Variants in CAST observed in about 807,000 individuals in gnomAD.
CAST encodes the protein calpastatin.
Under a neutral mutation model 119.6 loss-of-function variants are expected in CAST, and 76 were observed. That is an observed-to-expected ratio of 0.64 (90% CI 0.53 to 0.77). The LOEUF is 0.77. Among genes scored for constraint, CAST ranks in the 30% least tolerant of loss-of-function variants. The pLI, the probability that CAST is intolerant of heterozygous loss-of-function variation, is 0.00. For synonymous variants in CAST, 319 were observed against 331.6 expected (o/e 0.96, Z 0.41); for missense variants, 953 against 946.5 (o/e 1.01, Z -0.09).
chr5:96,026,853 A>G, the CAST span, among the ~76,000 whole-genome samples: 2 of 152,278 alleles, frequency 1.3e-5, no homozygotes, highest in African/African-American at 4.8e-5. Flanking sequence ...AGTATTTGCA[A>G]ATGTTATGTA....
the CAST span, among the ~76,000 whole-genome samples, chr5:96,460,409 A>G: frequency 6.6e-6 from 1 of 152,140 alleles, no homozygotes; most frequent in Non-Finnish European, 1.5e-5. Context: ...AGAGAGCATT[A>G]GGACAAATAC....
the CAST span, among the ~76,000 whole-genome samples, chr5:96,354,703 A>G: frequency 6.7e-6 from 1 of 148,934 alleles, no homozygotes; most frequent in Non-Finnish European, 1.5e-5. Flanking sequence ...AATATAAATT[A>G]TGCAATGTAA....
At chr5:96,259,854 C>T in the CAST span, among the ~76,000 whole-genome samples, 1 of 150,912 alleles carries the variant, frequency 6.6e-6, no homozygotes. Context: ...TGAAGACCCA[C>T]TCCACAATTG....
At chr5:96,427,328 C>T in the CAST span, among the ~76,000 whole-genome samples, 1 of 152,152 alleles carries the variant, frequency 6.6e-6, no homozygotes. Flanking sequence ...GTATTAATCT[C>T]TAGAAGAGCA....
At chr5:96,188,052 C>T in the CAST span, among the ~76,000 whole-genome samples, 1 of 152,244 alleles carries the variant, frequency 6.6e-6, no homozygotes, top group Non-Finnish European at 1.5e-5. Flanking sequence ...CTGCCACATT[C>T]TCCCACAGAA....
At chr5:96,246,324 A>G in the CAST span, among the ~76,000 whole-genome samples, 3 of 151,930 alleles carry the variant, frequency 2.0e-5, no homozygotes, top group African/African-American at 7.2e-5. Flanking sequence ...CTGGGACTAC[A>G]GGCACCCGCC....
At chr5:96,679,690 G>A (rs767605179) in intron 2 of CAST, 1 of 152,042 alleles carries the variant, frequency 6.6e-6, no homozygotes, top group East Asian at 1.9e-4. Flanking sequence ...AGGAAAAGAT[G>A]TTTTTTTACA....
the CAST span, among the ~76,000 whole-genome samples, chr5:96,104,489 G>A: frequency 7.6e-3 from 1,151 of 151,988 alleles, 8 homozygotes; most frequent in Non-Finnish European, 0.012. Context: ...TATTAAATAG[G>A]GAATCCTTTC....
chr5:96,309,149 C>G, the CAST span, among the ~76,000 whole-genome samples: 3 of 152,232 alleles, frequency 2.0e-5, no homozygotes, highest in African/African-American at 7.2e-5. Context: ...TTCAGAGATG[C>G]ACTGCCCAGA....
the CAST span, among the ~76,000 whole-genome samples, chr5:96,003,517 G>A: frequency 1.8e-4 from 25 of 136,410 alleles, no homozygotes; most frequent in African/African-American, 4.7e-4. Context: ...CAGCCTGGGC[G>A]ACAGAGCGAG....
chr5:96,069,485 T>C, the CAST span, among the ~76,000 whole-genome samples: 12 of 151,516 alleles, frequency 7.9e-5, no homozygotes, highest in East Asian at 2.4e-3. Context: ...TATCTTTTTT[T>C]AATTAAAAAA....
rs149767662 is a variant in CAST, at chr5:96,559,760, G to A, written c.60+29880G>A. 3.4e-3 allele frequency among the ~76,000 whole-genome samples: 523 copies of A among 152,294 alleles called. 3 individuals are homozygous for A. Among genetic ancestry groups the A allele is most frequent in the Middle Eastern group, 0.01 (3 of 294 alleles). On this transcript the variant is annotated intron_variant, in intron 1 of 11. Transcript: ENST00000505143. ...CTCATGGGTAGGAAGAATCAGTATC[G>A]TGAGAATGGCTATAGTGCCCAAGGT...
At chr5:96,738,615 A>G (rs1285706905) in intron 11 of CAST, among the ~76,000 whole-genome samples, 1 of 151,712 alleles carries the variant, frequency 6.6e-6, no homozygotes, top group Non-Finnish European at 1.5e-5. Context: ...AATTCCTAAA[A>G]TTATATTTTC....
the CAST span, among the ~76,000 whole-genome samples, chr5:96,501,832 A>C: frequency 2.6e-5 from 4 of 152,240 alleles, no homozygotes; most frequent in Admixed American, 6.5e-5. Context: ...GAGCTGAAAA[A>C]TTCTTATTGC....
chr5:96,493,160 T>C, the CAST span, among the ~76,000 whole-genome samples: 3 of 152,194 alleles, frequency 2.0e-5, no homozygotes, highest in Admixed American at 2.0e-4. Flanking sequence ...ATGGAAAAAG[T>C]GGTTACCATT....
At chr5:96,083,640 A>G in the CAST span, among the ~76,000 whole-genome samples, 1 of 152,232 alleles carries the variant, frequency 6.6e-6, no homozygotes, top group Non-Finnish European at 1.5e-5. Context: ...GTGAATGGAA[A>G]CTACTGTAGA....
At chr5:96,757,313 G>A (rs1267492202) in intron 22 of CAST, 131 bp from the exon 23 acceptor site, 1 of 849,166 alleles carries the variant, frequency 1.2e-6, no homozygotes, top group African/African-American at 1.7e-5. Flanking sequence ...AATCCTTCGT[G>A]ACATGATGGA....
rs73774333 is a variant in CAST, at chr5:96,614,020, T to C, written c.61-61519T>C. Reference sequence around the variant, plus strand: ...TATGAGTTAGATGTTTTATGTCTATTTTGTAATGAAGGAATCTAAGGTATA... The same window carrying C: ...TATGAGTTAGATGTTTTATGTCTATCTTGTAATGAAGGAATCTAAGGTATA... On this transcript the variant is annotated intron_variant, in intron 1 of 11. Transcript: ENST00000505143. Among the ~76,000 whole-genome samples, 1,033 of 152,278 alleles carry C rather than the reference T, an allele frequency of 6.8e-3. 16 individuals carry two copies. The highest frequency in any genetic ancestry group is 0.024 in the African/African-American group (993 of 41,544).
At chr5:96,401,190 T>C in the CAST span, among the ~76,000 whole-genome samples, 2 of 151,438 alleles carry the variant, frequency 1.3e-5, no homozygotes, top group African/African-American at 4.9e-5. Flanking sequence ...GCTTAACGCA[T>C]TGTGGGAGTT....
Sources: allele counts gnomAD v4.1 joint callset (sites outside exome capture counted in the v4.1 genomes callset), GRCh38; gene constraint gnomAD v4.1.1; transcripts MANE v1.5; gene names NCBI Gene and HGNC (gene_info 2026-07-23, HGNC 2026-07-21).